HEPHL1: variants seen among roughly 807,000 people sequenced by gnomAD.
HEPHL1 encodes hephaestin like 1, also known as ferroxidase HEPHL1.
Under a neutral mutation model 122.0 loss-of-function variants are expected in HEPHL1, and 123 were observed. That is an observed-to-expected ratio of 1.01 (90% CI 0.87 to 1.17). The LOEUF is 1.17. Among genes scored for constraint, HEPHL1 ranks in the 50% most tolerant of loss-of-function variants. HEPHL1 has a pLI of 0.00. For missense variants in HEPHL1, 1,452 were observed against 1,430.5 expected, an observed-to-expected ratio of 1.01 and a Z score of -0.24; for synonymous variants, 527 against 508.9, an observed-to-expected ratio of 1.04 and a Z score of -0.48.
intron 12 of HEPHL1, among the ~76,000 whole-genome samples, chr11:94,089,795 C>T (rs1407814972): frequency 6.6e-6 from 1 of 152,150 alleles, no homozygotes; most frequent in Admixed American, 6.5e-5. Flanking sequence ...AGAGTTAAGG[C>T]GCCCAACTAG....
intron 10 of HEPHL1, among the ~76,000 whole-genome samples, chr11:94,084,133 T>G (rs1016362177): frequency 6.6e-6 from 1 of 152,030 alleles, no homozygotes; most frequent in African/African-American, 2.4e-5. Context: ...AAGACCAGCC[T>G]GGGCAACTTA....
chr11:94,081,262 G>A (rs1391933462), intron 9 of HEPHL1, among the ~76,000 whole-genome samples: 3 of 152,190 alleles, frequency 2.0e-5, no homozygotes, highest in African/African-American at 7.2e-5. Context: ...CATGGACACA[G>A]GGAGGGGAAC....
chr11:94,035,257 AG>A (rs1171419582), intron 1 of HEPHL1, among the ~76,000 whole-genome samples: 1 of 152,214 alleles, frequency 6.6e-6, no homozygotes, highest in Non-Finnish European at 1.5e-5. Flanking sequence ...TACAATTCTT[AG>A]CAGTTTCCTT....
At chr11:94,106,785 C>G (rs1358384846) in intron 17 of HEPHL1, among the ~76,000 whole-genome samples, 1 of 152,004 alleles carries the variant, frequency 6.6e-6, no homozygotes, top group Non-Finnish European at 1.5e-5. Context: ...TTTTTCTTTC[C>G]CTTTCCTTCT....
chr11:94,052,668 G>C (rs963172698), intron 2 of HEPHL1, among the ~76,000 whole-genome samples: 1 of 151,908 alleles, frequency 6.6e-6, no homozygotes, highest in African/African-American at 2.4e-5. Context: ...CTAGTTTGTT[G>C]AGAGTTTTTC....
intron 10 of HEPHL1, 126 bp downstream of exon 10, chr11:94,082,694 A>C: frequency 1.2e-6 from 1 of 803,272 alleles, no homozygotes; most frequent in Non-Finnish European, 1.9e-6. Context: ...TGAGTAAGTT[A>C]TTTCATGCCT....
chr11:94,077,217 T>C (rs963543252), intron 9 of HEPHL1, among the ~76,000 whole-genome samples: 3 of 152,182 alleles, frequency 2.0e-5, no homozygotes, highest in Non-Finnish European at 4.4e-5. Flanking sequence ...AAATTAACGT[T>C]GACATTATCA....
At chr11:94,064,232 G>A (rs1336441926) in intron 3 of HEPHL1, 99 bp from the exon 4 acceptor site, 3 of 814,656 alleles carry the variant, frequency 3.7e-6, no homozygotes, top group Non-Finnish European at 3.9e-6. Flanking sequence ...GTAGGTATAG[G>A]TCTTCACCAA....
chr11:94,039,247 C>T (rs1196432579), intron 1 of HEPHL1, among the ~76,000 whole-genome samples: 1 of 144,558 alleles, frequency 6.9e-6, no homozygotes, highest in Non-Finnish European at 1.5e-5. Context: ...TACAAAGAGA[C>T]TTAGACTCCC....
intron 1 of HEPHL1, among the ~76,000 whole-genome samples, chr11:94,044,922 G>A (rs935245213): frequency 1.3e-5 from 2 of 151,476 alleles, no homozygotes; most frequent in South Asian, 4.2e-4. Flanking sequence ...ACTATGCCTG[G>A]CTATTTTTTT....
At chr11:94,038,746 G>T (rs1268574645) in intron 1 of HEPHL1, among the ~76,000 whole-genome samples, 10 of 142,218 alleles carry the variant, frequency 7.0e-5, no homozygotes, top group African/African-American at 2.7e-4. Flanking sequence ...GGAACAACCG[G>T]TACCAGCCGC....
At chr11:94,031,870 A>G (rs1472697599) in intron 1 of HEPHL1, among the ~76,000 whole-genome samples, 1 of 152,226 alleles carries the variant, frequency 6.6e-6, no homozygotes. Flanking sequence ...TCCTTCATCT[A>G]TAGGAGAGGC....
At chr11:94,022,916 G>A (rs1945593685) in intron 1 of HEPHL1, among the ~76,000 whole-genome samples, 1 of 152,218 alleles carries the variant, frequency 6.6e-6, no homozygotes, top group African/African-American at 2.4e-5. Flanking sequence ...TGAGTGTAAT[G>A]AATATAGCGT....
intron 17 of HEPHL1, among the ~76,000 whole-genome samples, chr11:94,107,368 T>C (rs1946417402): frequency 6.6e-6 from 1 of 152,106 alleles, no homozygotes; most frequent in Non-Finnish European, 1.5e-5. Flanking sequence ...TTTATAAAAT[T>C]TAATACACAA....
At chr11:94,038,271 AT>A (rs1024355400) in intron 1 of HEPHL1, among the ~76,000 whole-genome samples, 9 of 148,374 alleles carry the variant, frequency 6.1e-5, no homozygotes, top group African/African-American at 2.3e-4. Flanking sequence ...GATGGGGAGA[AT>A]GGAACCAAGT....
intron 1 of HEPHL1, among the ~76,000 whole-genome samples, chr11:94,026,333 G>A (rs1440806693): frequency 3.3e-5 from 5 of 152,180 alleles, no homozygotes; most frequent in African/African-American, 4.8e-5. Flanking sequence ...CCACAAAGAG[G>A]ACTTGAAAAA....
At chr11:94,067,921 A>G (rs1251028115) in intron 5 of HEPHL1, among the ~76,000 whole-genome samples, 171 bp downstream of exon 5, 3 of 152,224 alleles carry the variant, frequency 2.0e-5, no homozygotes, top group Non-Finnish European at 4.4e-5. Flanking sequence ...TATTCTATCA[A>G]CAGATATTTA....
At chr11:94,083,494 G>C (rs1204210551) in intron 10 of HEPHL1, among the ~76,000 whole-genome samples, 1 of 152,236 alleles carries the variant, frequency 6.6e-6, no homozygotes, top group Non-Finnish European at 1.5e-5. Context: ...GCCTGCAAGA[G>C]TGTGCAGTCA....
Position 94,112,192 on chromosome 11 carries a change from GAT to G in HEPHL1, c.*301_*302del. 1 of 241,442 alleles carries G rather than the reference GAT, an allele frequency of 4.1e-6. No individual in the cohort carries two copies. Among genetic ancestry groups the G allele is most frequent in the Admixed American group, 5.5e-5 (1 of 18,120 alleles). 15.0% of individuals were successfully genotyped at this position (241,442 alleles called of 1,614,324 possible). On this transcript the variant is annotated 3_prime_UTR_variant, in exon 20 of 20. Transcript: ENST00000315765. ...TCACTGAATAGGAGACACTCTGAAA[GAT>G]ATCTTTATATTCCATCTTTTATAAT...
Sources: gnomAD v4.1 joint callset for allele counts (sites outside exome capture counted in the v4.1 genomes callset) on GRCh38, gnomAD v4.1.1 for gene constraint, MANE v1.5 for transcripts, NCBI Gene and HGNC (gene_info 2026-07-23, HGNC 2026-07-21) for gene names.